ADAMTS19: variants seen among roughly 807,000 people sequenced by gnomAD.
The protein encoded by ADAMTS19 is A disintegrin and metalloproteinase with thrombospondin motifs 19.
A neutral mutation model predicts 153.3 loss-of-function variants in ADAMTS19; 93 were observed. The ratio of observed to expected loss-of-function variants is 0.61; its 90% CI spans 0.51 to 0.72. The LOEUF (loss-of-function observed/expected upper bound fraction) is 0.72. Among genes scored for constraint, ADAMTS19 ranks in the 30% least tolerant of loss-of-function variants. The probability of loss-of-function intolerance (pLI) is 0.00; values close to 1 mark genes in which losing one functional copy is unlikely to be tolerated. For synonymous variants in ADAMTS19, 600 were observed against 556.6 expected (o/e 1.08, Z -1.10); for missense variants, 1,482 against 1,552.1 (o/e 0.95, Z 0.76).
intron 21 of ADAMTS19, among the ~76,000 whole-genome samples, chr5:129,722,752 A>G (rs903402683): frequency 6.6e-6 from 1 of 152,186 alleles, no homozygotes; most frequent in Non-Finnish European, 1.5e-5. Context: ...CATTAATGCC[A>G]TAAGTAATAC....
intron 3 of ADAMTS19, among the ~76,000 whole-genome samples, chr5:129,513,506 G>GA (rs886083557): frequency 2.7e-5 from 4 of 149,268 alleles, no homozygotes; most frequent in Non-Finnish European, 6.0e-5. Flanking sequence ...ATCTCTAAAA[G>GA]AAAAAAAAAG....
At position 129,461,015 on chromosome 5, in the gene ADAMTS19, G is replaced by C; in HGVS notation, c.92-87G>C. On this transcript the variant is annotated intron_variant, in intron 1 of 22. Coordinates refer to ENST00000274487, the MANE Select transcript of ADAMTS19 (RefSeq NM_133638.6). This position sits in a 1 kb window ranked among gnomAD's most constrained non-coding sequence, Gnocchi z 4.6. ...CCATTGCATTCAACGCGAGCGCCCTGTATCTATGGACTGTGAGCTTGGAAA... is the reference window on the plus strand; with the variant it reads ...CCATTGCATTCAACGCGAGCGCCCTCTATCTATGGACTGTGAGCTTGGAAA... The C allele has an allele frequency of 7.9e-7, 1 of 1,268,324 alleles. No homozygotes were observed. The highest frequency in any genetic ancestry group is 9.9e-7 in the Non-Finnish European group (1 of 1,008,978). 78.6% of individuals were successfully genotyped at this position (1,268,324 alleles called of 1,614,324 possible). A position where few individuals can be genotyped will look rare whatever the true frequency, so the allele number is the denominator to read the frequency against.
chr5:129,705,345 AT>A (rs1164885137), intron 21 of ADAMTS19, among the ~76,000 whole-genome samples: 1 of 152,074 alleles, frequency 6.6e-6, no homozygotes, highest in Non-Finnish European at 1.5e-5. Context: ...TGGGAGAAAT[AT>A]TTTCAATATA....
chr5:129,682,429 T>G (rs1754864019), intron 17 of ADAMTS19, among the ~76,000 whole-genome samples: 1 of 152,232 alleles, frequency 6.6e-6, no homozygotes, highest in Non-Finnish European at 1.5e-5. Context: ...CTAATGGTTT[T>G]GTAGCCAATG....
At chr5:129,626,241 T>G (rs146010098) in intron 10 of ADAMTS19, among the ~76,000 whole-genome samples, 31 of 152,258 alleles carry the variant, frequency 2.0e-4, no homozygotes, top group Non-Finnish European at 3.2e-4. Context: ...CTTTATATGC[T>G]ATATTGTCTT....
intron 13 of ADAMTS19, among the ~76,000 whole-genome samples, chr5:129,650,310 A>G (rs1272999171): frequency 6.6e-6 from 1 of 152,096 alleles, no homozygotes; most frequent in Non-Finnish European, 1.5e-5. Flanking sequence ...CCCCTTAGTC[A>G]ATTTGAACTT....
chr5:129,495,252 T>C (rs1271807511), intron 2 of ADAMTS19, among the ~76,000 whole-genome samples: 11 of 152,224 alleles, frequency 7.2e-5, no homozygotes, highest in African/African-American at 1.9e-4. Flanking sequence ...CCTAAAGGCA[T>C]GCTTATAGTC....
In ADAMTS19 at chr5:129,522,285, GTA is replaced by G. The variant is rs1437839590; in HGVS notation, c.914-3997_914-3996del. On this transcript the variant is annotated intron_variant, in intron 3 of 22. Transcript: ENST00000274487. Reference sequence around the variant, plus strand: ...ATAAACAACATATGTATGCGTAGTTGTATGTGTGTGTGTGTATATATATATAT... The same window carrying G: ...ATAAACAACATATGTATGCGTAGTTGTGTGTGTGTGTGTATATATATATAT... Among the ~76,000 whole-genome samples the G allele has an allele frequency of 1.3e-4, 16 of 123,800 alleles. No individual in the cohort carries two copies. The South Asian group carries it at 1.8e-3, about 14-fold the overall frequency. The allele number at this position is 123,800 out of a possible 152,430, so 81.2% of individuals were successfully genotyped here. A position where few individuals can be genotyped will look rare whatever the true frequency, so the allele number is the denominator to read the frequency against.
At chr5:129,493,793 A>G (rs1343901414) in intron 2 of ADAMTS19, among the ~76,000 whole-genome samples, 3 of 152,186 alleles carry the variant, frequency 2.0e-5, no homozygotes, top group African/African-American at 7.2e-5. Flanking sequence ...GGCTGCATAT[A>G]GCAGTTAAAA....
At chr5:129,613,420 T>C (rs2126960116) in intron 8 of ADAMTS19, among the ~76,000 whole-genome samples, 1 of 152,252 alleles carries the variant, frequency 6.6e-6, no homozygotes. Flanking sequence ...CTGAACAACC[T>C]GTTCCTGAAT....
rs1201593989 is a variant in ADAMTS19 at position 129,511,797 on chromosome 5, C to T, written c.913+2555C>T. 5.9e-5 allele frequency among the ~76,000 whole-genome samples: 9 copies of T among 151,834 alleles called. No individual in the cohort carries two copies. In the East Asian group the frequency reaches 1.7e-3, roughly 29 times the overall value. Reference sequence around the variant, plus strand: ...TGATCTTGGGAAGTTTACTTTCTCTCTCAAAAGATTCACTTATCATATACA... The same window carrying T: ...TGATCTTGGGAAGTTTACTTTCTCTTTCAAAAGATTCACTTATCATATACA... On this transcript the variant is annotated intron_variant, in intron 3 of 22. Transcript: ENST00000274487.
intron 18 of ADAMTS19, among the ~76,000 whole-genome samples, chr5:129,690,675 TA>T (rs1755293224): frequency 6.6e-6 from 1 of 152,096 alleles, no homozygotes; most frequent in African/African-American, 2.4e-5. Context: ...AATGTAGGTG[TA>T]AAAAATAATC....
intron 7 of ADAMTS19, among the ~76,000 whole-genome samples, chr5:129,559,289 TTC>T (rs1235030384): frequency 6.6e-6 from 1 of 151,966 alleles, no homozygotes; most frequent in Non-Finnish European, 1.5e-5. Context: ...AAAACAACTT[TTC>T]TAAATCAGTA....
chr5:129,658,327 AAGAAAGAAAG>A (rs34134562), intron 14 of ADAMTS19, among the ~76,000 whole-genome samples: 14,820 of 116,984 alleles, frequency 0.13, 1,189 homozygotes, highest in East Asian at 0.29. Context: ...GAAAGAAAGA[AAGAAAGAAAG>A]AAAGAAAGAA....
chr5:129,499,261 T>C (rs1751024042), intron 2 of ADAMTS19, among the ~76,000 whole-genome samples: 1 of 152,050 alleles, frequency 6.6e-6, no homozygotes, highest in Non-Finnish European at 1.5e-5. Context: ...CTGTTGATAT[T>C]GAGCAAAAAT....
intron 6 of ADAMTS19, among the ~76,000 whole-genome samples, chr5:129,540,638 A>G (rs923647168): frequency 6.6e-6 from 1 of 152,138 alleles, no homozygotes; most frequent in African/African-American, 2.4e-5. Flanking sequence ...AAACATATGA[A>G]TTGCAAAAGT....
At chr5:129,541,911 T>G (rs1752665924) in intron 6 of ADAMTS19, among the ~76,000 whole-genome samples, 1 of 152,168 alleles carries the variant, frequency 6.6e-6, no homozygotes, top group African/African-American at 2.4e-5. Context: ...ATTTCTATAG[T>G]TTCCTATGTA....
intron 19 of ADAMTS19, 122 bp from the exon 20 acceptor site, chr5:129,701,266 A>T: frequency 9.3e-7 from 1 of 1,071,320 alleles, no homozygotes; most frequent in Non-Finnish European, 1.4e-6. Context: ...TGTCAATTGG[A>T]CCTCTTTCCT....
At chr5:129,682,433 G>A (rs1377292424) in intron 17 of ADAMTS19, among the ~76,000 whole-genome samples, 1 of 152,132 alleles carries the variant, frequency 6.6e-6, no homozygotes, top group African/African-American at 2.4e-5. Context: ...TGGTTTTGTA[G>A]CCAATGTCTC....
Sources: allele counts gnomAD v4.1 joint callset (sites outside exome capture counted in the v4.1 genomes callset), GRCh38; gene constraint gnomAD v4.1.1; non-coding constraint Gnocchi (gnomAD v3.1); transcripts MANE v1.5; gene names NCBI Gene and HGNC (gene_info 2026-07-23, HGNC 2026-07-21).